Variants in TARS3 observed in about 807,000 individuals in gnomAD.
The protein encoded by TARS3 is threonyl-tRNA synthetase 3.
Under a neutral mutation model 103.5 loss-of-function variants are expected in TARS3, and 94 were observed. The ratio of observed to expected loss-of-function variants is 0.91; its 90% CI spans 0.77 to 1.08. The LOEUF is 1.08. Among genes scored for constraint, TARS3 ranks in the 50% least tolerant of loss-of-function variants. The pLI, the probability that TARS3 is intolerant of heterozygous loss-of-function variation, is 0.00. For synonymous variants in TARS3, 416 were observed against 355.4 expected (o/e 1.17, Z -1.92); for missense variants, 952 against 995.2 (o/e 0.96, Z 0.58).
intron 10 of TARS3, among the ~76,000 whole-genome samples, chr15:101,693,909 G>A (rs769690723): frequency 3.3e-5 from 5 of 152,184 alleles, no homozygotes; most frequent in Non-Finnish European, 5.9e-5. Flanking sequence ...TAAAAGGGTA[G>A]CATGAGGGAG....
At chr15:101,695,314 T>C (rs77320953) in intron 10 of TARS3, among the ~76,000 whole-genome samples, 4,821 of 152,262 alleles carry the variant, frequency 0.032, 114 homozygotes, top group Middle Eastern at 0.088. Context: ...TCTGTCACTA[T>C]AGTTTTGGCA....
rs767758561 is a variant in TARS3 at position 101,684,200 on chromosome 15, T to A, written c.1525A>T (p.Met509Leu). 2 of 1,613,924 alleles carry A rather than the reference T, an allele frequency of 1.2e-6. No homozygotes were observed. Among genetic ancestry groups the A allele is most frequent in the African/African-American group, 2.7e-5 (2 of 74,922 alleles). ...FAHRPRSWRE[M>L]PIRFADFGVL... Reference sequence around the variant, plus strand: ...CCAAAATCAGCAAATCTAATAGGCATTTCCCTCCAAGATCGTGGACGATGG... The same window carrying A: ...CCAAAATCAGCAAATCTAATAGGCAATTCCCTCCAAGATCGTGGACGATGG... Residue 509 changes from methionine (M) to leucine (L), a missense_variant, in exon 12 of 19, where the codon ATG becomes TTG. Transcript: ENST00000335968.
intron 15 of TARS3, among the ~76,000 whole-genome samples, chr15:101,666,897 T>G (rs1321445764): frequency 1.3e-5 from 2 of 152,204 alleles, no homozygotes; most frequent in African/African-American, 4.8e-5. Context: ...AAAATAATAT[T>G]GCTTATGAGG....
intron 10 of TARS3, among the ~76,000 whole-genome samples, chr15:101,688,821 C>T (rs1898582992): frequency 6.6e-6 from 1 of 152,136 alleles, no homozygotes; most frequent in Admixed American, 6.5e-5. Context: ...CAGAAGCAAG[C>T]TACTTTAACT....
At chr15:101,702,567 T>C (rs985439462) in intron 8 of TARS3, among the ~76,000 whole-genome samples, 182 bp from the exon 9 acceptor site, 3 of 152,076 alleles carry the variant, frequency 2.0e-5, no homozygotes, top group Non-Finnish European at 2.9e-5. Context: ...CTCAGGAGTT[T>C]GAGACTCGCC....
intron 12 of TARS3, among the ~76,000 whole-genome samples, chr15:101,681,555 C>A (rs991474071): frequency 2.0e-5 from 3 of 152,288 alleles, no homozygotes; most frequent in Non-Finnish European, 2.9e-5. Flanking sequence ...AAATAAGAAT[C>A]ATTTATTCTT....
At chr15:101,658,126 T>C (rs755002277) in intron 16 of TARS3, among the ~76,000 whole-genome samples, 5 of 152,102 alleles carry the variant, frequency 3.3e-5, no homozygotes, top group African/African-American at 1.2e-4. Context: ...GCCCCAGCAA[T>C]TGCACTCCTG....
At chr15:101,714,727 C>T (rs1300220257) in intron 4 of TARS3, 113 bp downstream of exon 4, 16 of 880,256 alleles carry the variant, frequency 1.8e-5, no homozygotes, top group Non-Finnish European at 2.5e-5. Flanking sequence ...AATTTTAAAT[C>T]TTAGAAACCC....
At chr15:101,694,608 A>C (rs1006405868) in intron 10 of TARS3, among the ~76,000 whole-genome samples, 2 of 152,230 alleles carry the variant, frequency 1.3e-5, no homozygotes, top group African/African-American at 4.8e-5. Context: ...AAAAAGACAC[A>C]GGCAGATAGA....
intron 16 of TARS3, among the ~76,000 whole-genome samples, chr15:101,658,818 A>G (rs1897274648): frequency 6.6e-6 from 1 of 152,016 alleles, no homozygotes; most frequent in African/African-American, 2.4e-5. Context: ...TTTTTTTGAG[A>G]TGGAATCTTG....
At chr15:101,687,622 C>T (rs971884184) in intron 10 of TARS3, among the ~76,000 whole-genome samples, 2 of 152,140 alleles carry the variant, frequency 1.3e-5, no homozygotes, top group African/African-American at 4.8e-5. Context: ...TTAATTCACT[C>T]TGAATGCAAC....
chr15:101,671,810 T>C, intron 13 of TARS3, 62 bp from the exon 14 acceptor site: 1 of 1,339,362 alleles, frequency 7.5e-7, no homozygotes, highest in Admixed American at 2.0e-5. Flanking sequence ...TACATACAGC[T>C]CACAAAAGTT....
chr15:101,683,451 T>C (rs1266942269), intron 12 of TARS3, among the ~76,000 whole-genome samples: 1 of 152,252 alleles, frequency 6.6e-6, no homozygotes, highest in Admixed American at 6.5e-5. Context: ...ACTTGTTTTA[T>C]GGTCCAGAAT....
Position 101,702,293 on chromosome 15 carries a change from G to A in TARS3, c.1167C>T (p.Asp389=), listed in dbSNP as rs1052543303. The A allele has an allele frequency of 6.8e-6, 11 of 1,613,968 alleles. No individual in the cohort carries two copies. The highest frequency in any genetic ancestry group is 6.7e-5 in the Admixed American group (4 of 59,990). The change falls in exon 9 of 19, where the codon GAC becomes GAT. Residue 389 remains aspartate (D), a synonymous_variant. Transcript: ENST00000335968. ...TTGCTTCCTCTTGGAACTTTTCCCA[G>A]TCTCTCATCATCTTGTTATCAGGAA... is the stretch of plus-strand genomic sequence containing the variant. ...ISFPDNKMMR[D]WEKFQEEAKN... is the part of the protein sequence containing the mutation.
intron 18 of TARS3, among the ~76,000 whole-genome samples, chr15:101,656,355 A>G (rs1250692889): frequency 6.6e-6 from 1 of 152,222 alleles, no homozygotes; most frequent in African/African-American, 2.4e-5. Flanking sequence ...CAGACTCTCA[A>G]CTTACAAGAA....
Position 101,663,046 on chromosome 15 carries a change from A to G in TARS3, c.1968-1230T>C, listed in dbSNP as rs192773713. ...AAGTGTGGTACGAATCTTCATTTAA[A>G]TAACTCTTTTTTGTGGTCTTGGAGA... On this transcript the variant is annotated intron_variant, in intron 15 of 18. Transcript: ENST00000335968. Among the ~76,000 whole-genome samples, 416 of 152,360 alleles carry G rather than the reference A, an allele frequency of 2.7e-3. 2 individuals carry two copies. The highest frequency in any genetic ancestry group is 9.5e-3 in the African/African-American group (395 of 41,590).
intron 10 of TARS3, among the ~76,000 whole-genome samples, chr15:101,689,083 A>G (rs1898595640): frequency 6.6e-6 from 1 of 152,232 alleles, no homozygotes; most frequent in African/African-American, 2.4e-5. Flanking sequence ...TCCATTGCCC[A>G]TTATGGGCTC....
intron 6 of TARS3, among the ~76,000 whole-genome samples, chr15:101,708,493 T>C (rs770777182): frequency 5.9e-5 from 9 of 152,290 alleles, no homozygotes; most frequent in Non-Finnish European, 1.0e-4. Context: ...TATGGGATTA[T>C]AAATATTGTT....
intron 2 of TARS3, among the ~76,000 whole-genome samples, chr15:101,722,396 T>G (rs551188798): frequency 7.2e-5 from 11 of 151,754 alleles, no homozygotes; most frequent in Non-Finnish European, 1.6e-4. Flanking sequence ...CAGACTAACT[T>G]CTTTGGGCCT....
Sources: allele counts gnomAD v4.1 joint callset (sites outside exome capture counted in the v4.1 genomes callset), GRCh38; gene constraint gnomAD v4.1.1; transcripts MANE v1.5; gene names NCBI Gene and HGNC (gene_info 2026-07-23, HGNC 2026-07-21).